Variants in MMP16 observed in about 807,000 individuals in gnomAD.
The protein encoded by MMP16 is matrix metallopeptidase 16, also known as matrix metalloproteinase-16.
In MMP16, 12 loss-of-function variants were observed where a neutral mutation model predicts 67.8. The observed-to-expected ratio is 0.18, with a 90% confidence interval of 0.11 to 0.29. The LOEUF is 0.29. Ranked by LOEUF, MMP16 falls within the 10% of genes least tolerant of loss-of-function variation. The pLI, the probability that MMP16 is intolerant of heterozygous loss-of-function variation, is 1.00. For synonymous variants in MMP16, 249 were observed against 255.9 expected (o/e 0.97, Z 0.26); for missense variants, 475 against 765.7 (o/e 0.62, Z 4.48).
At chr8:88,312,888 A>G (rs557488491) in intron 1 of MMP16, among the ~76,000 whole-genome samples, 7 of 152,252 alleles carry the variant, frequency 4.6e-5, no homozygotes, top group African/African-American at 1.7e-4. Flanking sequence ...GAATTGCTTG[A>G]ACCCAGAAGG....
At chr8:88,135,603 G>T (rs1808105283) in intron 4 of MMP16, among the ~76,000 whole-genome samples, 1 of 151,792 alleles carries the variant, frequency 6.6e-6, no homozygotes, top group Non-Finnish European at 1.5e-5. Context: ...AAATGTCATG[G>T]ATGGCAAGTG....
intron 7 of MMP16, among the ~76,000 whole-genome samples, chr8:88,057,461 T>A (rs1808345969): frequency 6.6e-6 from 1 of 152,132 alleles, no homozygotes; most frequent in Non-Finnish European, 1.5e-5. Context: ...CCTCTTCTCC[T>A]GGGGCTTCTG....
chr8:88,096,947 T>C (rs1809038427), intron 6 of MMP16, among the ~76,000 whole-genome samples: 1 of 151,918 alleles, frequency 6.6e-6, no homozygotes, highest in African/African-American at 2.4e-5. Context: ...ATCTCTAACA[T>C]TTGAGGATAT....
At chr8:88,183,773 T>TG (rs1372531624) in intron 3 of MMP16, among the ~76,000 whole-genome samples, 1 of 135,294 alleles carries the variant, frequency 7.4e-6, no homozygotes, top group African/African-American at 2.6e-5. Context: ...TGGAGTGCAA[T>TG]GGCGCGATCT....
intron 4 of MMP16, among the ~76,000 whole-genome samples, chr8:88,128,055 C>T (rs1807963308): frequency 6.6e-6 from 1 of 151,810 alleles, no homozygotes; most frequent in Non-Finnish European, 1.5e-5. Context: ...AAAGGTATGG[C>T]CTTTCTAAAT....
intron 1 of MMP16, among the ~76,000 whole-genome samples, chr8:88,277,569 T>C (rs550415221): frequency 6.6e-6 from 1 of 152,312 alleles, no homozygotes; most frequent in Non-Finnish European, 1.5e-5. Flanking sequence ...AATGGTTATT[T>C]TGAAAACTAA....
At chr8:88,076,388 T>C (rs909625962) in intron 6 of MMP16, among the ~76,000 whole-genome samples, 1 of 152,204 alleles carries the variant, frequency 6.6e-6, no homozygotes, top group African/African-American at 2.4e-5. Flanking sequence ...CCTCTTCATA[T>C]TCCTGTTTAC....
At chr8:88,107,880 T>C (rs576965016) in intron 6 of MMP16, among the ~76,000 whole-genome samples, 2 of 151,274 alleles carry the variant, frequency 1.3e-5, no homozygotes, top group South Asian at 4.1e-4. Context: ...AAGCTGTCCA[T>C]AGCTTGATAT....
chr8:88,064,370 T>G (rs1032421515), intron 7 of MMP16, among the ~76,000 whole-genome samples: 1 of 152,110 alleles, frequency 6.6e-6, no homozygotes, highest in Non-Finnish European at 1.5e-5. Flanking sequence ...ATTTAAAACA[T>G]TTTTATAAAT....
intron 6 of MMP16, among the ~76,000 whole-genome samples, chr8:88,095,841 A>AT (rs1248645138): frequency 1.3e-5 from 2 of 151,888 alleles, no homozygotes; most frequent in African/African-American, 4.8e-5. Context: ...ATAAATAACT[A>AT]TTTTCCACCT....
intron 1 of MMP16, among the ~76,000 whole-genome samples, chr8:88,288,329 T>C (rs1810865865): frequency 6.6e-6 from 1 of 152,224 alleles, no homozygotes; most frequent in Non-Finnish European, 1.5e-5. Flanking sequence ...AACATAAACA[T>C]TTCAGGACAC....
intron 3 of MMP16, 61 bp downstream of exon 3, chr8:88,186,415 T>C: frequency 6.3e-7 from 1 of 1,599,358 alleles, no homozygotes; most frequent in Admixed American, 1.7e-5. Context: ...CTAAACTATG[T>C]GTCAAAACAA....
intron 1 of MMP16, among the ~76,000 whole-genome samples, chr8:88,243,391 A>G (rs7818066): frequency 0.089 from 13,536 of 152,154 alleles, 1,192 homozygotes; most frequent in African/African-American, 0.23. Flanking sequence ...TTGATGCACC[A>G]GGCAACGCCA....
intron 1 of MMP16, among the ~76,000 whole-genome samples, chr8:88,273,712 G>C (rs1404725605): frequency 6.6e-6 from 1 of 152,040 alleles, no homozygotes; most frequent in Non-Finnish European, 1.5e-5. Flanking sequence ...TAGAATTGTT[G>C]CTGAGTGCTT....
intron 8 of MMP16, among the ~76,000 whole-genome samples, chr8:88,052,613 A>T (rs1436031308): frequency 6.6e-6 from 1 of 152,216 alleles, no homozygotes; most frequent in South Asian, 2.1e-4. Flanking sequence ...AATAAAATTC[A>T]AACTGTTTGC....
intron 8 of MMP16, among the ~76,000 whole-genome samples, chr8:88,050,383 TC>T (rs1232203217): frequency 4.0e-4 from 61 of 152,258 alleles, no homozygotes; most frequent in Non-Finnish European, 8.8e-5. Context: ...TGGGATCACA[TC>T]CTGCATGTGA....
chr8:88,236,983 C>A (rs1268612852), intron 1 of MMP16, among the ~76,000 whole-genome samples: 1 of 152,156 alleles, frequency 6.6e-6, no homozygotes, highest in South Asian at 2.1e-4. Context: ...TCCTGCAACA[C>A]AGACAAGTCA....
At chr8:88,321,097 T>A (rs1284417178) in intron 1 of MMP16, among the ~76,000 whole-genome samples, 4 of 152,184 alleles carry the variant, frequency 2.6e-5, no homozygotes, top group Non-Finnish European at 5.9e-5. Context: ...TATGGAATTT[T>A]TTATTGTTCA....
chr8:88,178,468 G>T (rs940290017), intron 3 of MMP16, among the ~76,000 whole-genome samples: 1 of 152,126 alleles, frequency 6.6e-6, no homozygotes, highest in Non-Finnish European at 1.5e-5. Context: ...TATGTCAATA[G>T]AAACATCCCA....
Sources: gnomAD v4.1 joint callset for allele counts (sites outside exome capture counted in the v4.1 genomes callset) on GRCh38, gnomAD v4.1.1 for gene constraint, MANE v1.5 for transcripts, NCBI Gene and HGNC (gene_info 2026-07-23, HGNC 2026-07-21) for gene names.